FASN: variants seen among roughly 807,000 people sequenced by gnomAD.
FASN encodes the protein 3-hydroxyacyl-[acyl-carrier-protein] dehydratase.
FASN carries 50 observed loss-of-function variants against 250.0 expected under a neutral mutation model. The observed-to-expected ratio is 0.20, with a 90% CI of 0.16 to 0.25. The LOEUF (loss-of-function observed/expected upper bound fraction) is 0.25. FASN is among the 10% of genes least tolerant of loss of function. The pLI is 1.00. For missense variants in FASN, 3,031 were observed against 3,498.5 expected (o/e 0.87, Z 3.37); for synonymous variants, 1,909 against 1,584.0 (o/e 1.21, Z -4.87).
In FASN at chr17:82,083,387, C is replaced by T. The variant is rs201916101; in HGVS notation, c.5380G>A (p.Val1794Ile). The change falls in exon 32 of 43, where the codon GTC becomes ATC. Residue 1794 changes from valine (V) to isoleucine (I), a missense_variant. Transcript: ENST00000306749. Reference protein sequence around the residue: ...IFLKNVTFHGVLLDAFFNESS... With the variant: ...IFLKNVTFHGILLDAFFNESS... Reference sequence around the variant, plus strand: ...TCGTTGAAGAACGCATCCAGTAGGACCCCGTGGAATGTCACGTTCTTCAGG... The same window carrying T: ...TCGTTGAAGAACGCATCCAGTAGGATCCCGTGGAATGTCACGTTCTTCAGG... 1.2e-5 allele frequency: 20 copies of T among 1,612,802 alleles called. No individual in the cohort carries two copies. The highest frequency in any genetic ancestry group is 3.3e-5 in the Admixed American group (2 of 60,028).
At chr17:82,098,008 G>C in intron 1 of FASN, 113 bp downstream of exon 1, 1 of 300,464 alleles carries the variant, frequency 3.3e-6, no homozygotes, top group Non-Finnish European at 6.1e-6. Flanking sequence ...TGGATACGGG[G>C]CCGGGCCACG....
In FASN at chr17:82,084,218, C is replaced by A. The variant is rs1363758245; in HGVS notation, c.4919+16G>T. On this transcript the variant is annotated intron_variant, in intron 28 of 42. Transcript: ENST00000306749. ...CATCCACGTGGGGCCCAGGCTCACA[C>A]CCTCGACACACTCACCAGTTGGAAG... 17 of 1,610,926 alleles carry A rather than the reference C, an allele frequency of 1.1e-5. No homozygotes were observed. The highest frequency in any genetic ancestry group is 1.4e-5 in the Non-Finnish European group (16 of 1,179,170).
chr17:82,085,940 T>A, intron 22 of FASN, 69 bp from the exon 23 acceptor site: 1 of 1,445,220 alleles, frequency 6.9e-7, no homozygotes. Flanking sequence ...CTGGGCAAAA[T>A]GTCCATGAGG....
In FASN at chr17:82,090,496, C is replaced by A. The variant is rs757321778; in HGVS notation, c.1749G>T (p.Gly583=). ...RPDGIVGHSL[G]EVACGYADGC... Reference sequence around the variant, plus strand: ...CGTCGGCGTAGCCACAGGCCACCTCCCCCAGGGAGTGGCCGACGATGCCAT... The same window carrying A: ...CGTCGGCGTAGCCACAGGCCACCTCACCCAGGGAGTGGCCGACGATGCCAT... The change falls in exon 11 of 43, where the codon GGG becomes GGT. Residue 583 remains glycine (G), a synonymous_variant. Transcript: ENST00000306749. 6.2e-7 allele frequency: 1 copy of A among 1,611,260 alleles called. No individual in the cohort carries two copies.
chr17:82,084,623 T>C lies in FASN; in HGVS notation c.4658A>G (p.His1553Arg), dbSNP rs1373901349. ...GGCGCCAGGGCAGGTGGGCTGGGCA[T>C]GGCGCAGCGAGGAGCAGACCCAGCG... Reference protein sequence around the residue: ...SIRWVCSSLRHAQPTCPGAQL... With the variant: ...SIRWVCSSLRRAQPTCPGAQL... The change falls in exon 27 of 43, where the codon CAT (histidine) becomes CGT (arginine). Residue 1553 changes from histidine to arginine, a missense_variant. Coordinates refer to ENST00000306749, the MANE Select transcript of FASN (RefSeq NM_004104.5). The C allele has an allele frequency of 6.2e-7, 1 of 1,605,740 alleles. No homozygotes were observed. The highest frequency in any genetic ancestry group is 2.2e-5 in the East Asian group (1 of 44,658).
At position 82,092,709 on chromosome 17, in the gene FASN, G is replaced by A. The variant is rs1249647390; in HGVS notation, c.882C>T (p.Gly294=). The A allele has an allele frequency of 7.5e-6, 12 of 1,591,496 alleles. No homozygotes were observed. The highest frequency in any genetic ancestry group is 2.2e-5 in the South Asian group (2 of 88,912). The change falls in exon 7 of 43, where the codon GGC becomes GGT. Residue 294 remains glycine (G), a synonymous_variant. Transcript: ENST00000306749. ...GGGGGGGCATCACCTTGGTGCCTGT[G>A]CCGTGGGCTTCGATGTATTCAAATG... is the stretch of plus-strand genomic sequence containing the variant. ...PESFEYIEAH[G]TGTKVGDPQE... is the part of the protein sequence containing the mutation.
chr17:82,079,604 A>T lies in FASN; in HGVS notation c.7151T>A (p.Leu2384Gln). The T allele has an allele frequency of 6.3e-7, 1 of 1,599,702 alleles. No homozygotes were observed. The highest frequency in any genetic ancestry group is 8.5e-7 in the Non-Finnish European group (1 of 1,179,710). The change falls in exon 42 of 43, where the codon CTG (leucine) becomes CAG (glutamine). Residue 2384 changes from leucine (L) to glutamine (Q), a missense_variant. Physicochemically the swap from Leu to Gln is moderately radical, Grantham distance 113. Coordinates refer to ENST00000306749, the MANE Select transcript of FASN (RefSeq NM_004104.5). ...GCCCTTCAGCGGCAGCAGCGCCTCC[A>T]GCACCTGTGGGGTCGGGCTCTGAGC... ...QFTDMEHNRV[L>Q]EALLPLKGLE...
rs1392416942 is a variant in FASN, at chr17:82,085,104, T to G, written c.4340A>C (p.Asn1447Thr). The G allele has an allele frequency of 1.2e-6, 2 of 1,612,474 alleles. No homozygotes were observed. Among genetic ancestry groups the G allele is most frequent in the Non-Finnish European group, 1.7e-6 (2 of 1,179,924 alleles). ...GCCCACCACGCCCGAGGTGGCACAG[T>G]TGATGGCCTTCAGCCACACAGGCCG... ...SSRPVWLKAI[N>T]CATSGVVGLV... is the part of the protein sequence containing the mutation. Residue 1447 changes from asparagine (N) to threonine (T), a missense_variant, in exon 25 of 43, where the codon AAC (asparagine) becomes ACC (threonine). By Grantham distance (65) the Asn-to-Thr change is moderately conservative (BLOSUM62 0). Transcript: ENST00000306749.
At position 82,080,244 on chromosome 17, in the gene FASN, AG is replaced by A; in HGVS notation, c.7048-7del. 6.2e-7 allele frequency: 1 copy of A among 1,612,992 alleles called. No individual in the cohort carries two copies. The highest frequency in any genetic ancestry group is 8.5e-7 in the Non-Finnish European group (1 of 1,179,980). On this transcript the variant is annotated splice_region_variant and splice_polypyrimidine_tract_variant and intron_variant, in intron 40 of 42. Coordinates refer to ENST00000306749, the MANE Select transcript of FASN (RefSeq NM_004104.5). ...GTCAGCTTTGCCCGGTAGCTCTGAGAGGAAGGAGGGACTGCTGAGCAGATGG... is the reference window on the plus strand; with the variant it reads ...GTCAGCTTTGCCCGGTAGCTCTGAGAGAAGGAGGGACTGCTGAGCAGATGG...
chr17:82,082,820 G>A (rs1420586195), intron 33 of FASN, 94 bp downstream of exon 33: 30 of 1,554,098 alleles, frequency 1.9e-5, no homozygotes, highest in Admixed American at 5.3e-5. Flanking sequence ...CCCAGGCACC[G>A]TGACAGCCCA....
rs1218385718 is a variant in FASN at position 82,080,963 on chromosome 17, G to A, written c.6596-41C>T. On this transcript the variant is annotated intron_variant, in intron 38 of 42. Coordinates refer to ENST00000306749, the MANE Select transcript of FASN (RefSeq NM_004104.5). Reference sequence around the variant, plus strand: ...CAGATGCCAGGCTGGTCTGGGTGCAGAGCCCTGGCACCCACGCAAGGACAC... The same window carrying A: ...CAGATGCCAGGCTGGTCTGGGTGCAAAGCCCTGGCACCCACGCAAGGACAC... The A allele has an allele frequency of 2.6e-6, 4 of 1,537,432 alleles. No homozygotes were observed. In the African/African-American group the frequency reaches 5.4e-5, roughly 21 times the overall value.
rs4485435 is a variant in FASN, at chr17:82,087,210, G to T, written c.3267C>A (p.Ala1089=). The T allele has an allele frequency of 2.5e-6, 4 of 1,605,768 alleles. No homozygotes were observed. In the South Asian group the frequency reaches 3.3e-5, roughly 13 times the overall value. Reference sequence around the variant, plus strand: ...GGAGCCCGGAGATGTGGACGCCTCCGGCCACTGTGACCCTCAGCCACCTGC... The same window carrying T: ...GGAGCCCGGAGATGTGGACGCCTCCTGCCACTGTGACCCTCAGCCACCTGC... ...VVSRWLRVTV[A]GGVHISGLHT... Residue 1089 remains alanine (A), a synonymous_variant, in exon 21 of 43, where the codon GCC becomes GCA. Transcript: ENST00000306749.
At position 82,084,105 on chromosome 17, in the gene FASN, G is replaced by A. The variant is rs376735084; in HGVS notation, c.4968C>T (p.Tyr1656=). ...ASVPVVYSTA[Y]YALVVRGRVR... ...CCCGCCCACGCACCACCAGCGCGTA[G>A]TAGGCCGTGCTGTAGACGACAGGCA... Residue 1656 remains tyrosine, a synonymous_variant, in exon 29 of 43, where the codon TAC becomes TAT. Coordinates refer to ENST00000306749, the MANE Select transcript of FASN (RefSeq NM_004104.5). 83 of 1,573,458 alleles carry A rather than the reference G, an allele frequency of 5.3e-5. No individual in the cohort carries two copies. The highest frequency in any genetic ancestry group is 7.0e-5 in the Non-Finnish European group (81 of 1,160,976).
Position 82,085,661 on chromosome 17 carries a change from A to C in FASN, c.3943T>G (p.Cys1315Gly). 6.3e-7 allele frequency: 1 copy of C among 1,590,542 alleles called. No homozygotes were observed. Among genetic ancestry groups the C allele is most frequent in the Admixed American group, 1.8e-5 (1 of 56,938 alleles). The change falls in exon 23 of 43, where the codon TGC becomes GGC. Residue 1315 changes from cysteine (C) to glycine (G), a missense_variant. Transcript: ENST00000306749. Reference sequence around the variant, plus strand: ...CCGAGGGCAGCCACAGCACAGTTGCACACCAGGAGGTCGGCGCTGCCCAGG... The same window carrying C: ...CCGAGGGCAGCCACAGCACAGTTGCCCACCAGGAGGTCGGCGCTGCCCAGG... ...SALGSADLLV[C>G]NCAVAALGDP... is the part of the protein sequence containing the mutation.
rs759790350 is a variant in FASN, at chr17:82,079,153, C to T, written c.7526G>A (p.Arg2509Gln). 9.3e-6 allele frequency: 15 copies of T among 1,611,804 alleles called. No homozygotes were observed. The highest frequency in any genetic ancestry group is 4.0e-5 in the African/African-American group (3 of 74,946). ...GGCGGGGGCACGGGCCTAGCCCTCC[C>T]GCACGCTCACGCGTGGCTCAGCCAG... ...SSLAEPRVSVREG is the reference protein window; with the variant it reads ...SSLAEPRVSVQEG Residue 2509 changes from arginine to glutamine, a missense_variant, in exon 43 of 43, where the codon CGG becomes CAG. Arg to Gln is a conservative substitution (Grantham distance 43). Transcript: ENST00000306749.
chr17:82,079,887 T>C (rs1598571751), intron 41 of FASN: 3 of 624,818 alleles, frequency 4.8e-6, no homozygotes, highest in South Asian at 3.9e-5. Flanking sequence ...TTTGTATTTT[T>C]AGTAGAGAAG....
At position 82,096,399 on chromosome 17, in the gene FASN, G is replaced by A; in HGVS notation, c.47C>T (p.Ser16Leu). Reference sequence around the variant, plus strand: ...GTCCCAGAACTCCTGCAAGTTCTCCGACTCTGGCAGCTTCCCGGACATGCC... The same window carrying A: ...GTCCCAGAACTCCTGCAAGTTCTCCAACTCTGGCAGCTTCCCGGACATGCC... Reference protein sequence around the residue: ...IAGMSGKLPESENLQEFWDNL... With the variant: ...IAGMSGKLPELENLQEFWDNL... Residue 16 changes from serine to leucine, a missense_variant, in exon 2 of 43, where the codon TCG (serine) becomes TTG (leucine). Physicochemically the swap from Ser to Leu is moderately radical, Grantham distance 145. Coordinates refer to ENST00000306749, the MANE Select transcript of FASN (RefSeq NM_004104.5). 6.2e-7 allele frequency: 1 copy of A among 1,612,838 alleles called. No individual in the cohort carries two copies. The highest frequency in any genetic ancestry group is 8.5e-7 in the Non-Finnish European group (1 of 1,179,996).
chr17:82,082,835 G>A, intron 33 of FASN, 79 bp downstream of exon 33: 1 of 1,556,042 alleles, frequency 6.4e-7, no homozygotes, highest in South Asian at 1.1e-5. Flanking sequence ...AGCCCACAAT[G>A]GTGGGCTGCA....
Position 82,079,258 on chromosome 17 carries a change from A to G in FASN, c.7421T>C (p.Val2474Ala). ...GCGGTGGTCACCCTCGATGACGTGGACGGATACTTTCCCGTCGCATACCTG... is the reference window on the plus strand; with the variant it reads ...GCGGTGGTCACCCTCGATGACGTGGGCGGATACTTTCCCGTCGCATACCTG... ...LSQVCDGKVS[V>A]HVIEGDHRTL... Residue 2474 changes from valine to alanine, a missense_variant, in exon 43 of 43, where the codon GTC becomes GCC. Val to Ala is a moderately conservative substitution (Grantham distance 64). Coordinates refer to ENST00000306749, the MANE Select transcript of FASN (RefSeq NM_004104.5). 6.2e-7 allele frequency: 1 copy of G among 1,613,006 alleles called. No homozygotes were observed. Among genetic ancestry groups the G allele is most frequent in the Non-Finnish European group, 8.5e-7 (1 of 1,179,960 alleles).
Sources: gnomAD v4.1 joint callset for allele counts on GRCh38, gnomAD v4.1.1 for gene constraint, MANE v1.5 for transcripts, NCBI Gene and HGNC (gene_info 2026-07-23, HGNC 2026-07-21) for gene names.